Variants in NAV3 observed in about 807,000 individuals in gnomAD.
NAV3 encodes pore membrane and/or filament interacting like protein 1.
Under a neutral mutation model 244.7 loss-of-function variants are expected in NAV3, and 87 were observed. The observed-to-expected ratio is 0.36, with a 90% CI of 0.30 to 0.42. The LOEUF is 0.42. Among genes scored for constraint, NAV3 ranks in the 20% least tolerant of loss-of-function variants. NAV3 has a pLI of 1.00. For synonymous variants in NAV3, 1,126 were observed against 1,042.2 expected, an observed-to-expected ratio of 1.08 and a Z score of -1.55; for missense variants, 2,663 against 2,893.3, an observed-to-expected ratio of 0.92 and a Z score of 1.83.
intron 12 of NAV3, among the ~76,000 whole-genome samples, chr12:78,065,301 C>T (rs1457511079): frequency 6.6e-6 from 1 of 152,120 alleles, no homozygotes; most frequent in Non-Finnish European, 1.5e-5. Context: ...CCAGCCATAG[C>T]ATCACTCAGT....
rs146748426 is a variant in NAV3 at position 77,918,757 on chromosome 12, C to T, written c.244-21562C>T. ...TCCAGTAGGATATCTCAGGTTTGTT[C>T]ATATGTCAGCTCAGAGTTCCAAGAG... On this transcript the variant is annotated intron_variant, in intron 1 of 39. Transcript: ENST00000397909. Among the ~76,000 whole-genome samples, 33 of 152,140 alleles carry T rather than the reference C, an allele frequency of 2.2e-4. 1 individual carries two copies. The East Asian group carries it at 6.4e-3, about 30-fold the overall frequency.
intron 12 of NAV3, among the ~76,000 whole-genome samples, chr12:78,084,934 G>C (rs1349534110): frequency 6.6e-6 from 1 of 151,888 alleles, no homozygotes; most frequent in African/African-American, 2.4e-5. Flanking sequence ...TGTTTGAATA[G>C]AAGAGTAAAA....
At chr12:78,208,449 A>C (rs1960558581) in intron 39 of NAV3, among the ~76,000 whole-genome samples, 1 of 152,182 alleles carries the variant, frequency 6.6e-6, no homozygotes, top group African/African-American at 2.4e-5. Context: ...GTGGGGAAGA[A>C]GTGGGGAAGA....
At chr12:77,647,572 T>C (rs897115451) in intron 2 of NAV3, among the ~76,000 whole-genome samples, 1 of 152,130 alleles carries the variant, frequency 6.6e-6, no homozygotes, top group African/African-American at 2.4e-5. Context: ...TGTATCATTC[T>C]AGAAACACTT....
At chr12:78,127,085 T>A in intron 16 of NAV3, 82 bp from the exon 17 acceptor site, 1 of 1,414,416 alleles carries the variant, frequency 7.1e-7, no homozygotes, top group Non-Finnish European at 9.9e-7. Context: ...TTTTTTATAG[T>A]TCAGAGAACC....
chr12:78,075,905 G>C (rs1953025733), intron 12 of NAV3, among the ~76,000 whole-genome samples: 1 of 152,132 alleles, frequency 6.6e-6, no homozygotes, highest in South Asian at 2.1e-4. Context: ...CAGTGGGAGA[G>C]AAACAAGCTT....
At chr12:77,821,526 T>C (rs1388618740) in intron 2 of NAV3, among the ~76,000 whole-genome samples, 1 of 152,196 alleles carries the variant, frequency 6.6e-6, no homozygotes, top group Non-Finnish European at 1.5e-5. Context: ...AAATGTGCAG[T>C]ATTCCAAGTG....
intron 5 of NAV3, among the ~76,000 whole-genome samples, chr12:77,974,326 G>C (rs1020445135): frequency 6.6e-6 from 1 of 151,994 alleles, no homozygotes; most frequent in African/African-American, 2.4e-5. Flanking sequence ...CTGTCACCCA[G>C]GCTGGAGTGC....
At chr12:77,974,789 T>C (rs1383943489) in intron 5 of NAV3, among the ~76,000 whole-genome samples, 1 of 152,184 alleles carries the variant, frequency 6.6e-6, no homozygotes, top group Non-Finnish European at 1.5e-5. Flanking sequence ...GTGTCAACTT[T>C]CTCATAAGGG....
At chr12:77,602,357 AT>A (rs976094638) in intron 2 of NAV3, among the ~76,000 whole-genome samples, 1 of 152,028 alleles carries the variant, frequency 6.6e-6, no homozygotes, top group Non-Finnish European at 1.5e-5. Flanking sequence ...GGTAGAACAG[AT>A]TTAGAGACAT....
chr12:77,914,863 G>A (rs1333229995), intron 1 of NAV3, among the ~76,000 whole-genome samples: 1 of 141,828 alleles, frequency 7.1e-6, no homozygotes, highest in South Asian at 2.2e-4. Context: ...ATTATCTGAT[G>A]TTTTGAGCTT....
At chr12:77,647,945 T>C (rs541275669) in intron 2 of NAV3, among the ~76,000 whole-genome samples, 1 of 152,220 alleles carries the variant, frequency 6.6e-6, no homozygotes, top group South Asian at 2.1e-4. Context: ...AATTCAATAA[T>C]ATTACATTTT....
chr12:77,766,509 C>A (rs1869759605), intron 2 of NAV3, among the ~76,000 whole-genome samples: 1 of 152,078 alleles, frequency 6.6e-6, no homozygotes, highest in East Asian at 1.9e-4. Flanking sequence ...TGGATAATGG[C>A]CAAGGGAATG....
intron 2 of NAV3, among the ~76,000 whole-genome samples, chr12:77,763,091 T>TTCATGGAA (rs1366423826): frequency 6.6e-6 from 1 of 152,184 alleles, no homozygotes; most frequent in Non-Finnish European, 1.5e-5. Context: ...AATATCTGCC[T>TTCATGGAA]TCATGGAATG....
At chr12:77,672,204 G>A (rs147956757) in intron 2 of NAV3, among the ~76,000 whole-genome samples, 1,797 of 151,892 alleles carry the variant, frequency 0.012, 45 homozygotes, top group African/African-American at 0.041. Context: ...ACCACACTGC[G>A]GCCTGCAAGC....
At chr12:77,743,465 A>G (rs1868383343) in intron 2 of NAV3, among the ~76,000 whole-genome samples, 1 of 151,914 alleles carries the variant, frequency 6.6e-6, no homozygotes, top group Non-Finnish European at 1.5e-5. Context: ...CCAAGGAGAT[A>G]TAAAAACATA....
At chr12:77,976,081 A>G (rs1269395) in intron 5 of NAV3, among the ~76,000 whole-genome samples, 19,809 of 152,210 alleles carry the variant, frequency 0.13, 1,323 homozygotes, top group East Asian at 0.23. Context: ...TACGTTATCG[A>G]TATAGTATTA....
At chr12:78,077,930 ACT>A (rs1953134661) in intron 12 of NAV3, among the ~76,000 whole-genome samples, 1 of 151,996 alleles carries the variant, frequency 6.6e-6, no homozygotes. Flanking sequence ...CAAGAGCAAA[ACT>A]CTGCCTCAAA....
chr12:77,908,284 GA>G (rs1456970878), intron 1 of NAV3, among the ~76,000 whole-genome samples: 1 of 152,004 alleles, frequency 6.6e-6, no homozygotes, highest in East Asian at 1.9e-4. Flanking sequence ...AATATAATAT[GA>G]AGCCAAAAAC....
Sources: gnomAD v4.1 joint callset for allele counts (sites outside exome capture counted in the v4.1 genomes callset) on GRCh38, gnomAD v4.1.1 for gene constraint, MANE v1.5 for transcripts, NCBI Gene and HGNC (gene_info 2026-07-23, HGNC 2026-07-21) for gene names.